The following C13orf42 variants were observed in gnomAD, a reference collection of about 807,000 sequenced individuals.
C13orf42 encodes chromosome 13 open reading frame 42.
chr13:51,114,935 G>A (rs1400881192), upstream of C13orf42, among the ~76,000 whole-genome samples: 1 of 152,176 alleles, frequency 6.6e-6, no homozygotes, highest in Non-Finnish European at 1.5e-5. Flanking sequence ...TGACAGATAT[G>A]TTCATTTGCT....
intron 1 of C13orf42, among the ~76,000 whole-genome samples, chr13:51,152,622 T>C (rs1796668717): frequency 6.6e-6 from 1 of 152,214 alleles, no homozygotes; most frequent in Non-Finnish European, 1.5e-5. Flanking sequence ...ATTTCTTTTT[T>C]AGAAAACACA....
At chr13:51,141,432 T>C (rs1953695390) in intron 1 of C13orf42, among the ~76,000 whole-genome samples, 1 of 152,156 alleles carries the variant, frequency 6.6e-6, no homozygotes, top group Non-Finnish European at 1.5e-5. Context: ...TACGTTTTTA[T>C]ATGTATTTAT....
At chr13:51,169,979 C>T (rs1323234566) in intron 1 of C13orf42, among the ~76,000 whole-genome samples, 1 of 152,176 alleles carries the variant, frequency 6.6e-6, no homozygotes, top group Admixed American at 6.5e-5. Context: ...TGCCTTGCCC[C>T]ACCTTAACTG....
At chr13:51,149,323 A>C (rs1953761812) in intron 1 of C13orf42, among the ~76,000 whole-genome samples, 1 of 151,976 alleles carries the variant, frequency 6.6e-6, no homozygotes, top group Non-Finnish European at 1.5e-5. Flanking sequence ...AAAAAAAAAA[A>C]AAAAAAACCC....
intron 1 of C13orf42, among the ~76,000 whole-genome samples, chr13:51,169,396 T>C (rs1475528145): frequency 6.6e-6 from 1 of 151,826 alleles, no homozygotes; most frequent in Admixed American, 6.6e-5. Flanking sequence ...TTTGGAAAAT[T>C]TGTAGCCCAG....
intron 1 of C13orf42, among the ~76,000 whole-genome samples, chr13:51,124,703 G>C (rs1321534929): frequency 6.6e-6 from 1 of 152,116 alleles, no homozygotes; most frequent in Non-Finnish European, 1.5e-5. Context: ...CACCAGGTTT[G>C]GTAGGAGGTT....
chr13:51,099,766 C>T (rs1297679455), intron 1 of C13orf42, among the ~76,000 whole-genome samples: 1 of 152,130 alleles, frequency 6.6e-6, no homozygotes, highest in Non-Finnish European at 1.5e-5. Context: ...TTCCAAAGTG[C>T]TGGGATTATA....
chr13:51,120,254 T>C (rs554536579), intron 1 of C13orf42, among the ~76,000 whole-genome samples: 29 of 152,326 alleles, frequency 1.9e-4, no homozygotes, highest in Non-Finnish European at 3.4e-4. Flanking sequence ...GGTATGATTA[T>C]TGTCCCCACC....
intron 1 of C13orf42, among the ~76,000 whole-genome samples, chr13:51,126,636 G>A (rs1375184623): frequency 6.6e-6 from 1 of 152,208 alleles, no homozygotes; most frequent in East Asian, 1.9e-4. Flanking sequence ...CCCTCACCAG[G>A]TCCAAAATAA....
intron 1 of C13orf42, among the ~76,000 whole-genome samples, chr13:51,098,030 G>A (rs938045405): frequency 2.4e-4 from 36 of 152,140 alleles, no homozygotes; most frequent in African/African-American, 8.0e-4. Flanking sequence ...CCTGAGCCTC[G>A]GATTACTTTT....
In C13orf42 at chr13:51,131,836, G is replaced by A. The variant is rs572199106; in HGVS notation, n.137-18614C>T. On this transcript the variant is annotated intron_variant and non_coding_transcript_variant, in intron 1 of 4. Transcript: ENST00000433280. ...ATGTTTCAAGAACTATGGTACATTT[G>A]TTATTAAACTTTAGTCTCATCAGTT... 2.0e-5 allele frequency among the ~76,000 whole-genome samples: 3 copies of A among 152,314 alleles called. No homozygotes were observed. In the South Asian group the frequency reaches 6.2e-4, roughly 32 times the overall value.
In C13orf42 at chr13:51,116,412, G is replaced by T. The variant is rs529274911; in HGVS notation, n.137-3190C>A. On this transcript the variant is annotated intron_variant and non_coding_transcript_variant, in intron 1 of 4. Transcript: ENST00000433280. ...AACTTTGGATTTAATTCTACAAGGTGCCTGTTATCAGACCTCTGGGAGCCC... is the reference window on the plus strand; with the variant it reads ...AACTTTGGATTTAATTCTACAAGGTTCCTGTTATCAGACCTCTGGGAGCCC... 2.0e-5 allele frequency among the ~76,000 whole-genome samples: 3 copies of T among 152,224 alleles called. No individual in the cohort carries two copies. In the South Asian group the frequency reaches 6.2e-4, roughly 32 times the overall value.
At chr13:51,152,173 C>T (rs1953783173) in intron 1 of C13orf42, among the ~76,000 whole-genome samples, 1 of 152,206 alleles carries the variant, frequency 6.6e-6, no homozygotes, top group Non-Finnish European at 1.5e-5. Flanking sequence ...ATGGAGGTCC[C>T]TCAGAACATT....
At chr13:51,162,242 C>A in intron 1 of C13orf42, 1 of 196,804 alleles carries the variant, frequency 5.1e-6, no homozygotes, top group East Asian at 1.3e-4. Context: ...TAAGTGTTTC[C>A]AAGCATAGTA....
intron 1 of C13orf42, among the ~76,000 whole-genome samples, chr13:51,095,015 T>C (rs1031576125): frequency 1.3e-5 from 2 of 152,302 alleles, no homozygotes; most frequent in African/African-American, 2.4e-5. Context: ...CTTGCTGTCA[T>C]GTAAGATGTG....
chr13:51,172,266 C>G (rs1363297456), exon 1 of C13orf42: 2 of 152,232 alleles, frequency 1.3e-5, no homozygotes, highest in East Asian at 1.9e-4. Context: ...GCAGCCACTC[C>G]CAGAGCCCCT....
intron 2 of C13orf42, among the ~76,000 whole-genome samples, chr13:51,086,063 T>C (rs1020762973): frequency 1.3e-5 from 2 of 150,962 alleles, no homozygotes; most frequent in African/African-American, 4.9e-5. Flanking sequence ...TCCCAACACT[T>C]TGGGAGGCTG....
intron 1 of C13orf42, chr13:51,161,862 A>G (rs1953867247): frequency 4.3e-6 from 2 of 462,874 alleles, no homozygotes; most frequent in Non-Finnish European, 8.5e-6. Context: ...AGAGCCCCAA[A>G]AACTTTATTG....
intron 1 of C13orf42, among the ~76,000 whole-genome samples, chr13:51,163,565 A>G (rs770465671): frequency 5.3e-5 from 8 of 152,166 alleles, no homozygotes; most frequent in Admixed American, 1.3e-4. Flanking sequence ...TTCACTTAGC[A>G]AACTCCACCT....
Sources: gnomAD v4.1 joint callset for allele counts (sites outside exome capture counted in the v4.1 genomes callset) on GRCh38, gnomAD v4.1.1 for gene constraint, MANE v1.5 for transcripts, NCBI Gene and HGNC (gene_info 2026-07-23, HGNC 2026-07-21) for gene names.